The following POLR3E variants were observed in gnomAD, a reference collection of about 807,000 sequenced individuals.
POLR3E encodes DNA-directed RNA polymerase III subunit RPC5.
POLR3E carries 41 observed loss-of-function variants against 96.6 expected under a neutral mutation model. That is an observed-to-expected ratio of 0.42 (90% confidence interval 0.33 to 0.55). The LOEUF (loss-of-function observed/expected upper bound fraction) is 0.55, where lower values mean the gene tolerates loss of function less well. POLR3E is among the 20% of genes least tolerant of loss of function. POLR3E has a pLI of 0.06. For missense variants in POLR3E, 849 were observed against 952.1 expected, an observed-to-expected ratio of 0.89 and a Z score of 1.43; for synonymous variants, 396 against 383.6, an observed-to-expected ratio of 1.03 and a Z score of -0.38.
intron 13 of POLR3E, among the ~76,000 whole-genome samples, chr16:22,321,966 C>T (rs753088538): frequency 1.1e-4 from 17 of 152,234 alleles, no homozygotes; most frequent in Non-Finnish European, 2.5e-4. Flanking sequence ...GGACCGGGCT[C>T]TCATTCAGAC....
intron 1 of POLR3E, among the ~76,000 whole-genome samples, chr16:22,298,474 G>A (rs2047944816): frequency 6.6e-6 from 1 of 152,138 alleles, no homozygotes; most frequent in African/African-American, 2.4e-5. Flanking sequence ...TCGGTACTTA[G>A]TTTCCCTACT....
At position 22,313,171 on chromosome 16, in the gene POLR3E, G is replaced by A. The variant is rs921191693; in HGVS notation, c.365-449G>A. Among the ~76,000 whole-genome samples, 3 of 152,126 alleles carry A rather than the reference G, an allele frequency of 2.0e-5. No individual in the cohort carries two copies. Among genetic ancestry groups the A allele is most frequent in the Non-Finnish European group, 2.9e-5 (2 of 68,024 alleles). Reference sequence around the variant, plus strand: ...GCACTAGTGGACTTCCTAGTGGAACGGGTGGGATTTTGGCGGGAAAAGATG... The same window carrying A: ...GCACTAGTGGACTTCCTAGTGGAACAGGTGGGATTTTGGCGGGAAAAGATG... On this transcript the variant is annotated intron_variant, in intron 6 of 20. Transcript: ENST00000299853. The surrounding 1 kb of genome is among the most constrained non-coding windows in gnomAD (Gnocchi z 4.1).
intron 18 of POLR3E, 144 bp from the exon 19 acceptor site, chr16:22,328,366 G>A (rs1229274079): frequency 1.5e-6 from 1 of 689,214 alleles, no homozygotes; most frequent in Non-Finnish European, 2.6e-6. Flanking sequence ...GCTGCCCAAG[G>A]CCCTCAGAGA....
intron 13 of POLR3E, among the ~76,000 whole-genome samples, chr16:22,320,839 C>T (rs1045480490): frequency 4.6e-5 from 7 of 152,056 alleles, no homozygotes; most frequent in African/African-American, 1.7e-4. Flanking sequence ...CCTTTCCACG[C>T]GTTGATATGA....
chr16:22,298,473 A>AG (rs1394902054), intron 1 of POLR3E, among the ~76,000 whole-genome samples: 3 of 152,150 alleles, frequency 2.0e-5, no homozygotes, highest in African/African-American at 7.2e-5. Context: ...GTCGGTACTT[A>AG]GTTTCCCTAC....
intron 18 of POLR3E, 153 bp from the exon 19 acceptor site, chr16:22,328,357 C>G: frequency 1.5e-6 from 1 of 663,662 alleles, no homozygotes; most frequent in Non-Finnish European, 2.7e-6. Context: ...AGGTTTGTGG[C>G]TGCCCAAGGC....
rs750995492 is a variant in POLR3E at position 22,314,110 on chromosome 16, C to T, written c.504C>T (p.Asp168=). 25 of 1,613,680 alleles carry T rather than the reference C, an allele frequency of 1.5e-5. No homozygotes were observed. Among genetic ancestry groups the T allele is most frequent in the African/African-American group, 8.0e-5 (6 of 74,896 alleles). The stretch of plus-strand genomic sequence containing the variant: ...ACTCTTCACAGGATGAGGCGGAAGA[C>T]GATGTTAAGCAGATCACGGTGAGCC... The part of the protein sequence containing the change: ...AGDSSQDEAE[D]DVKQITVRFS... The change falls in exon 8 of 21, where the codon GAC becomes GAT. Residue 168 remains aspartate (D), a synonymous_variant. Coordinates refer to ENST00000299853, the MANE Select transcript of POLR3E (RefSeq NM_018119.4).
intron 1 of POLR3E, among the ~76,000 whole-genome samples, chr16:22,298,137 C>G (rs944762002): frequency 6.6e-6 from 1 of 152,206 alleles, no homozygotes; most frequent in Admixed American, 6.5e-5. Flanking sequence ...CCATTCGGTC[C>G]GAGGAGGTGT....
chr16:22,303,914 G>A (rs934437184), intron 2 of POLR3E, among the ~76,000 whole-genome samples: 2 of 149,450 alleles, frequency 1.3e-5, no homozygotes, highest in South Asian at 2.1e-4. Flanking sequence ...GGGTTCAAAC[G>A]ATTCTTGTGC....
intron 19 of POLR3E, 38 bp downstream of exon 19, chr16:22,328,625 G>T (rs374249977): frequency 9.6e-6 from 15 of 1,570,566 alleles, no homozygotes; most frequent in Non-Finnish European, 1.3e-5. Flanking sequence ...CGAAGAGCCA[G>T]GGGGGTTTCC....
Position 22,326,185 on chromosome 16 carries a change from C to G in POLR3E, c.1773C>G (p.Ser591Arg). 6.2e-7 allele frequency: 1 copy of G among 1,614,022 alleles called. No homozygotes were observed. The highest frequency in any genetic ancestry group is 8.5e-7 in the Non-Finnish European group (1 of 1,179,988). The change falls in exon 18 of 21, where the codon AGC becomes AGG. Residue 591 changes from serine (S) to arginine (R), a missense_variant. Coordinates refer to ENST00000299853, the MANE Select transcript of POLR3E (RefSeq NM_018119.4). ...GCCTCTTCAATCTGCACTTGGCCAGCCTGCCCCCCGGCCACACACTCTTCA... is the reference window on the plus strand; with the variant it reads ...GCCTCTTCAATCTGCACTTGGCCAGGCTGCCCCCCGGCCACACACTCTTCA... ...LKRLFNLHLA[S>R]LPPGHTLFSG...
At chr16:22,315,779 C>G (rs958335810) in intron 9 of POLR3E, among the ~76,000 whole-genome samples, 1 of 152,178 alleles carries the variant, frequency 6.6e-6, no homozygotes, top group African/African-American at 2.4e-5. Context: ...TCAAGTGATT[C>G]TTCTGCCTCA....
rs775226382 is a variant in POLR3E at position 22,326,073 on chromosome 16, C to A, written c.1661C>A (p.Ala554Asp). The A allele has an allele frequency of 6.2e-7, 1 of 1,612,384 alleles. No homozygotes were observed. The highest frequency in any genetic ancestry group is 1.1e-5 in the South Asian group (1 of 90,906). Residue 554 changes from alanine to aspartate, a missense_variant, in exon 18 of 21, where the codon GCC (alanine) becomes GAC (aspartate). Physicochemically the swap from Ala to Asp is moderately radical, Grantham distance 126. Coordinates refer to ENST00000299853, the MANE Select transcript of POLR3E (RefSeq NM_018119.4). Reference protein sequence around the residue: ...SFNGHPPQGCASTPVARELKA... With the variant: ...SFNGHPPQGCDSTPVARELKA... ...AACGGGCACCCGCCCCAGGGCTGCGCCAGCACCCCTGTGGCTCGGGAACTG... is the reference window on the plus strand; with the variant it reads ...AACGGGCACCCGCCCCAGGGCTGCGACAGCACCCCTGTGGCTCGGGAACTG...
intron 3 of POLR3E, among the ~76,000 whole-genome samples, chr16:22,307,651 A>G (rs1205477979): frequency 6.6e-6 from 1 of 152,206 alleles, no homozygotes; most frequent in Non-Finnish European, 1.5e-5. Context: ...ACACAACCAG[A>G]TAAGGAGAGC....
At chr16:22,303,081 A>G (rs1443256532) in intron 2 of POLR3E, 77 bp downstream of exon 2, 2 of 1,292,994 alleles carry the variant, frequency 1.5e-6, no homozygotes, top group African/African-American at 2.9e-5. Context: ...TCCTCAGGCC[A>G]GTCTGGGACC....
At chr16:22,328,658 G>C in intron 19 of POLR3E, 71 bp downstream of exon 19, 1 of 1,261,056 alleles carries the variant, frequency 7.9e-7, no homozygotes, top group East Asian at 2.3e-5. Context: ...GGCCTTGGGG[G>C]ACATGTGCAC....
At chr16:22,298,294 C>T (rs1202455665) in intron 1 of POLR3E, among the ~76,000 whole-genome samples, 1 of 152,196 alleles carries the variant, frequency 6.6e-6, no homozygotes, top group African/African-American at 2.4e-5. Flanking sequence ...GTTGTGGTGA[C>T]GGCTCAGTAG....
chr16:22,309,631 G>A (rs2048205491), intron 6 of POLR3E, 121 bp downstream of exon 6: 1 of 777,640 alleles, frequency 1.3e-6, no homozygotes, highest in Non-Finnish European at 2.3e-6. Context: ...ACCTGTGGGG[G>A]CCGGGCAGGT....
At chr16:22,300,475 C>G (rs979384142) in intron 1 of POLR3E, among the ~76,000 whole-genome samples, 3 of 152,228 alleles carry the variant, frequency 2.0e-5, no homozygotes, top group Non-Finnish European at 4.4e-5. Context: ...AGGGCAGAGG[C>G]CAACAGGGCA....
Sources: gnomAD v4.1 joint callset for allele counts (sites outside exome capture counted in the v4.1 genomes callset) on GRCh38, gnomAD v4.1.1 for gene constraint, Gnocchi (gnomAD v3.1) non-coding constraint, MANE v1.5 for transcripts, NCBI Gene and HGNC (gene_info 2026-07-23, HGNC 2026-07-21) for gene names.